The following KANK1 variants were observed in gnomAD, a reference collection of about 807,000 sequenced individuals.
The protein encoded by KANK1 is KN motif and ankyrin repeat domain-containing protein 1.
A neutral mutation model predicts 106.2 loss-of-function variants in KANK1; 109 were observed. The ratio of observed to expected loss-of-function variants is 1.03; its 90% CI spans 0.88 to 1.20. The LOEUF (loss-of-function observed/expected upper bound fraction) is 1.20, where lower values mean the gene tolerates loss of function less well. Among genes scored for constraint, KANK1 ranks in the 50% most tolerant of loss-of-function variants. KANK1 has a pLI of 0.00. For synonymous variants in KANK1, 873 were observed against 652.2 expected (o/e 1.34, Z -5.16); for missense variants, 2,399 against 1,710.7 (o/e 1.40, Z -7.10).
At chr9:593,330 CAAAA>C (rs1825440372) in intron 1 of KANK1, among the ~76,000 whole-genome samples, 1 of 151,402 alleles carries the variant, frequency 6.6e-6, no homozygotes, top group Non-Finnish European at 1.5e-5. Context: ...AACATACAGA[CAAAA>C]AAAGGATTCT....
chr9:666,989 C>G (rs560639959), intron 1 of KANK1, among the ~76,000 whole-genome samples: 2 of 76,386 alleles, frequency 2.6e-5, no homozygotes, highest in South Asian at 6.2e-4. Flanking sequence ...TTGAGCATTC[C>G]TTCCTCTTCA....
At chr9:698,082 A>G (rs1233069686) in intron 2 of KANK1, among the ~76,000 whole-genome samples, 3 of 152,288 alleles carry the variant, frequency 2.0e-5, no homozygotes, top group African/African-American at 4.8e-5. Context: ...CCCCAGGCCT[A>G]TCGTCTACCT....
intron 3 of KANK1, among the ~76,000 whole-genome samples, chr9:490,642 G>A (rs1259350707): frequency 6.6e-6 from 1 of 152,178 alleles, no homozygotes; most frequent in Admixed American, 6.5e-5. Flanking sequence ...AAAAAGAGAT[G>A]GCTGGAAAAT....
intron 1 of KANK1, among the ~76,000 whole-genome samples, chr9:532,668 G>C (rs2060119610): frequency 6.6e-6 from 1 of 152,076 alleles, no homozygotes; most frequent in African/African-American, 2.4e-5. Context: ...TACTTGGCGT[G>C]AGCATCTTAT....
chr9:626,859 C>T (rs1308985223), intron 1 of KANK1, among the ~76,000 whole-genome samples: 1 of 152,186 alleles, frequency 6.6e-6, no homozygotes, highest in Non-Finnish European at 1.5e-5. Context: ...AGTTAGACTC[C>T]AGAAGACAGC....
intron 1 of KANK1, among the ~76,000 whole-genome samples, chr9:625,362 C>A (rs894249190): frequency 6.6e-6 from 1 of 152,160 alleles, no homozygotes; most frequent in Non-Finnish European, 1.5e-5. Context: ...TTGAGTCCAA[C>A]AAAAATACTG....
Position 521,727 on chromosome 9 carries a change from G to C in KANK1, c.-84+16973G>C, listed in dbSNP as rs117859030. Among the ~76,000 whole-genome samples, 20 of 151,192 alleles carry C rather than the reference G, an allele frequency of 1.3e-4. No individual in the cohort carries two copies. In the East Asian group the frequency reaches 3.9e-3, roughly 29 times the overall value. On this transcript the variant is annotated intron_variant, in intron 1 of 11. Transcript: ENST00000382297. ...GGATTACAGGTGTGCGCCACCACGC[G>C]TGGCTGATTTTTGTATTATTGGTAG...
At chr9:478,627 C>T (rs1201098714) in intron 3 of KANK1, among the ~76,000 whole-genome samples, 1 of 152,216 alleles carries the variant, frequency 6.6e-6, no homozygotes. Flanking sequence ...TTTCTCACAA[C>T]ACTGCCACCC....
At chr9:612,003 C>T (rs1034505973) in intron 1 of KANK1, among the ~76,000 whole-genome samples, 1 of 152,200 alleles carries the variant, frequency 6.6e-6, no homozygotes, top group Non-Finnish European at 1.5e-5. Context: ...CAGGCGTGAG[C>T]CACCGCGCCC....
chr9:735,090 T>TAC (rs1833417987), intron 7 of KANK1, among the ~76,000 whole-genome samples: 1 of 152,226 alleles, frequency 6.6e-6, no homozygotes, highest in South Asian at 2.1e-4. Flanking sequence ...CTGTGAGGCG[T>TAC]ACACTTGCAG....
At chr9:500,856 G>A (rs1195393348), upstream of KANK1, among the ~76,000 whole-genome samples, 2 of 152,092 alleles carry the variant, frequency 1.3e-5, no homozygotes, top group East Asian at 3.9e-4. Flanking sequence ...TCTGAAAATT[G>A]GAAAGCAACA....
chr9:602,033 C>G (rs542455644), intron 1 of KANK1, among the ~76,000 whole-genome samples: 1 of 151,968 alleles, frequency 6.6e-6, no homozygotes, highest in Admixed American at 6.5e-5. Context: ...GGTAGTCAGT[C>G]ACTTTGATGT....
Position 711,721 on chromosome 9 carries a change from G to A in KANK1, c.955G>A (p.Val319Met). Residue 319 changes from valine to methionine, a missense_variant, in exon 3 of 12, where the codon GTG becomes ATG. Val to Met is a conservative substitution (Grantham distance 21). Transcript: ENST00000382297. Reference protein sequence around the residue: ...RAASQINVCGVRKRSYSAGNA... With the variant: ...RAASQINVCGMRKRSYSAGNA... Reference sequence around the variant, plus strand: ...TGCATCCCAGATCAATGTCTGTGGTGTGAGGAAGCGGTCCTATAGTGCGGG... The same window carrying A: ...TGCATCCCAGATCAATGTCTGTGGTATGAGGAAGCGGTCCTATAGTGCGGG... 2 of 1,614,240 alleles carry A rather than the reference G, an allele frequency of 1.2e-6. No individual in the cohort carries two copies. The highest frequency in any genetic ancestry group is 1.7e-6 in the Non-Finnish European group (2 of 1,180,040).
chr9:667,218 A>G (rs992139374), intron 1 of KANK1, among the ~76,000 whole-genome samples: 5 of 151,720 alleles, frequency 3.3e-5, no homozygotes, highest in African/African-American at 7.3e-5. Flanking sequence ...AGATTTTTCA[A>G]TTTGTTGGCA....
At chr9:551,309 G>C (rs1429509662) in intron 1 of KANK1, among the ~76,000 whole-genome samples, 5 of 151,892 alleles carry the variant, frequency 3.3e-5, no homozygotes, top group Non-Finnish European at 1.5e-5. Context: ...TGTTACCCAT[G>C]ATGGTGTTTC....
At chr9:493,707 C>A (rs557606557) in intron 3 of KANK1, among the ~76,000 whole-genome samples, 2 of 151,574 alleles carry the variant, frequency 1.3e-5, no homozygotes, top group South Asian at 4.2e-4. Context: ...ACCACCACGC[C>A]TGGCTAATTT....
chr9:690,384 A>G (rs187136779), intron 2 of KANK1, among the ~76,000 whole-genome samples: 1 of 152,192 alleles, frequency 6.6e-6, no homozygotes, highest in African/African-American at 2.4e-5. Flanking sequence ...AATAGTATGC[A>G]TTCAGCAGTA....
intron 1 of KANK1, among the ~76,000 whole-genome samples, chr9:607,085 A>C (rs533102679): frequency 1.3e-5 from 2 of 151,798 alleles, no homozygotes; most frequent in African/African-American, 4.9e-5. Context: ...TTAGACTAGT[A>C]ATTAATACAG....
At chr9:615,149 G>A (rs1831500156) in intron 1 of KANK1, among the ~76,000 whole-genome samples, 3 of 152,066 alleles carry the variant, frequency 2.0e-5, no homozygotes, top group Admixed American at 2.0e-4. Context: ...TGCCCAGACT[G>A]GTCCTGAACT....
Sources: gnomAD v4.1 joint callset for allele counts (sites outside exome capture counted in the v4.1 genomes callset) on GRCh38, gnomAD v4.1.1 for gene constraint, MANE v1.5 for transcripts, NCBI Gene and HGNC (gene_info 2026-07-23, HGNC 2026-07-21) for gene names.